The following CNTNAP2 variants were observed in gnomAD, a reference collection of about 807,000 sequenced individuals.
The protein encoded by CNTNAP2 is contactin-associated protein-like 2.
A neutral mutation model predicts 155.2 loss-of-function variants in CNTNAP2; 98 were observed. The observed-to-expected ratio is 0.63, with a 90% CI of 0.54 to 0.75. The LOEUF is 0.75. CNTNAP2 is among the 30% of genes least tolerant of loss of function. The pLI, the probability that CNTNAP2 is intolerant of heterozygous loss-of-function variation, is 0.00. For synonymous variants in CNTNAP2, 651 were observed against 631.2 expected (o/e 1.03, Z -0.47); for missense variants, 1,727 against 1,688.1 (o/e 1.02, Z -0.40).
intron 14 of CNTNAP2, among the ~76,000 whole-genome samples, chr7:147,940,520 T>C (rs1800700393): frequency 6.6e-6 from 1 of 152,038 alleles, no homozygotes; most frequent in African/African-American, 2.4e-5. Context: ...TCATTATTTC[T>C]TTTTTAATTA....
At chr7:146,178,341 A>G (rs1798501473) in intron 1 of CNTNAP2, among the ~76,000 whole-genome samples, 2 of 152,112 alleles carry the variant, frequency 1.3e-5, no homozygotes, top group African/African-American at 4.8e-5. Flanking sequence ...CCTGGAACAT[A>G]TTCTTTATGT....
chr7:147,301,588 CTCTCTG>C (rs1326856082), intron 9 of CNTNAP2, among the ~76,000 whole-genome samples: 62 of 60,702 alleles, frequency 1.0e-3, no homozygotes, highest in Middle Eastern at 7.0e-3. Context: ...CTCTCTCTCT[CTCTCTG>C]TGTGTGTGTG....
intron 21 of CNTNAP2, among the ~76,000 whole-genome samples, chr7:148,269,761 G>A (rs1796740579): frequency 6.6e-6 from 1 of 152,184 alleles, no homozygotes; most frequent in Non-Finnish European, 1.5e-5. Flanking sequence ...GTTTAGTGGA[G>A]TAGGGCCTTG....
At chr7:147,258,843 C>T (rs1165757600) in intron 8 of CNTNAP2, among the ~76,000 whole-genome samples, 2 of 152,156 alleles carry the variant, frequency 1.3e-5, no homozygotes, top group Admixed American at 1.3e-4. Context: ...AAAAGCATAG[C>T]AGTTTAGTCC....
intron 16 of CNTNAP2, among the ~76,000 whole-genome samples, chr7:148,122,505 C>T (rs1414060316): frequency 6.6e-6 from 1 of 152,098 alleles, no homozygotes; most frequent in Non-Finnish European, 1.5e-5. Context: ...GGAGACTGAA[C>T]CGAAGGACCC....
intron 2 of CNTNAP2, among the ~76,000 whole-genome samples, chr7:146,796,953 C>T (rs893902594): frequency 6.6e-6 from 1 of 151,878 alleles, no homozygotes; most frequent in African/African-American, 2.4e-5. Context: ...TGTCTAAGAC[C>T]GTGAAACCCT....
chr7:147,392,604 G>A (rs534575547), intron 9 of CNTNAP2, among the ~76,000 whole-genome samples: 17 of 152,064 alleles, frequency 1.1e-4, no homozygotes, highest in African/African-American at 2.9e-4. Context: ...GAGAACATAC[G>A]ATGTTTGGTT....
chr7:147,750,330 T>C (rs1215851094), intron 13 of CNTNAP2, among the ~76,000 whole-genome samples: 2 of 152,224 alleles, frequency 1.3e-5, no homozygotes, highest in Admixed American at 6.5e-5. Context: ...CATAAAATTA[T>C]ATATGTGTAT....
intron 13 of CNTNAP2, among the ~76,000 whole-genome samples, chr7:147,811,471 T>C (rs1798178936): frequency 6.6e-6 from 1 of 152,122 alleles, no homozygotes. Flanking sequence ...GAGTTACAAA[T>C]TGCCTCCCAA....
intron 3 of CNTNAP2, among the ~76,000 whole-genome samples, chr7:146,845,525 A>G (rs1463527625): frequency 1.7e-4 from 26 of 152,194 alleles, no homozygotes; most frequent in Admixed American, 1.7e-3. Context: ...ATCAATTCCC[A>G]ATTTTAGAAG....
At chr7:146,997,741 T>C (rs80229640) in intron 3 of CNTNAP2, among the ~76,000 whole-genome samples, 5,971 of 152,184 alleles carry the variant, frequency 0.039, 370 homozygotes, top group African/African-American at 0.13. Flanking sequence ...AATATTGGTC[T>C]GTTCAGAGAT....
intron 9 of CNTNAP2, among the ~76,000 whole-genome samples, chr7:147,317,875 G>C (rs1489588085): frequency 2.0e-5 from 3 of 148,250 alleles, no homozygotes; most frequent in African/African-American, 7.5e-5. Flanking sequence ...TCTTTTCCTG[G>C]TTTTCCCTTC....
At chr7:147,869,971 G>A (rs1799300515) in intron 13 of CNTNAP2, among the ~76,000 whole-genome samples, 1 of 152,118 alleles carries the variant, frequency 6.6e-6, no homozygotes, top group African/African-American at 2.4e-5. Context: ...TGCTAAGGTT[G>A]AGGGAGACAT....
At chr7:148,137,351 GA>G (rs1343992723) in intron 16 of CNTNAP2, among the ~76,000 whole-genome samples, 1 of 152,142 alleles carries the variant, frequency 6.6e-6, no homozygotes, top group African/African-American at 2.4e-5. Context: ...CACACTTTAA[GA>G]AAGCTTGCTA....
intron 1 of CNTNAP2, among the ~76,000 whole-genome samples, chr7:146,198,154 G>A (rs1798803870): frequency 1.3e-5 from 2 of 152,116 alleles, no homozygotes; most frequent in African/African-American, 4.8e-5. Context: ...AACTTGAGAT[G>A]AGATTTGGGT....
chr7:146,675,793 C>T (rs907148852), intron 1 of CNTNAP2, among the ~76,000 whole-genome samples: 4 of 151,996 alleles, frequency 2.6e-5, no homozygotes, highest in Admixed American at 6.6e-5. Context: ...TAAGACTATC[C>T]ATTGTTGAAG....
rs1400611536 is a variant in CNTNAP2, at chr7:147,639,134, T to C, written c.1926T>C (p.His642=). The C allele has an allele frequency of 2.5e-6, 4 of 1,614,014 alleles. No homozygotes were observed. In the African/African-American group the frequency reaches 4.0e-5, roughly 16 times the overall value. ...ACAAAGTGTGGACCATAGTGTCTCA[T>C]GACTTGCAGATGCAGACGCCTGTGG... The part of the protein sequence containing the change: ...TEDKVWTIVS[H]DLQMQTPVVG... The change falls in exon 13 of 24, where the codon CAT becomes CAC. Residue 642 remains histidine, a synonymous_variant. Coordinates refer to ENST00000361727, the MANE Select transcript of CNTNAP2 (RefSeq NM_014141.6).
intron 9 of CNTNAP2, among the ~76,000 whole-genome samples, chr7:147,366,809 A>ACC (rs1178617136): frequency 3.1e-5 from 3 of 96,850 alleles, no homozygotes; most frequent in Non-Finnish European, 8.5e-5. Context: ...ACACACACAC[A>ACC]CACCCCAATG....
chr7:147,914,587 G>T (rs1240734062), intron 14 of CNTNAP2, among the ~76,000 whole-genome samples: 1 of 151,586 alleles, frequency 6.6e-6, no homozygotes, highest in Admixed American at 6.6e-5. Context: ...TTTGAGAAGG[G>T]TCTCACTGTG....
Sources: allele counts gnomAD v4.1 joint callset (sites outside exome capture counted in the v4.1 genomes callset), GRCh38; gene constraint gnomAD v4.1.1; transcripts MANE v1.5; gene names NCBI Gene and HGNC (gene_info 2026-07-23, HGNC 2026-07-21).